CYP4F22: variants seen among roughly 807,000 people sequenced by gnomAD.
CYP4F22 encodes cytochrome P450 family 4 subfamily F member 22, also known as ultra-long-chain fatty acid omega-hydroxylase.
CYP4F22 carries 37 observed loss-of-function variants against 60.4 expected under a neutral mutation model. The observed-to-expected ratio is 0.61, with a 90% confidence interval of 0.47 to 0.81. The LOEUF (loss-of-function observed/expected upper bound fraction) is 0.81. CYP4F22 is among the 30% of genes least tolerant of loss of function. The pLI, the probability that CYP4F22 is intolerant of heterozygous loss-of-function variation, is 0.00. For missense variants in CYP4F22, 655 were observed against 715.0 expected (o/e 0.92, Z 0.96); for synonymous variants, 258 against 280.5 (o/e 0.92, Z 0.80).
At chr19:15,530,725 C>T (rs753223469) in intron 4 of CYP4F22, among the ~76,000 whole-genome samples, 7 of 152,070 alleles carry the variant, frequency 4.6e-5, no homozygotes, top group African/African-American at 9.7e-5. Flanking sequence ...GGGGGAAATT[C>T]GTTAAATCTC....
At chr19:15,511,261 C>T (rs1324756701) in intron 1 of CYP4F22, among the ~76,000 whole-genome samples, 4 of 151,312 alleles carry the variant, frequency 2.6e-5, no homozygotes, top group Admixed American at 6.6e-5. Context: ...CATGAGCCAC[C>T]GCGCCCAGCA....
chr19:15,552,260 G>A lies in CYP4F22; in HGVS notation c.*789G>A, dbSNP rs889518375. On this transcript the variant is annotated 3_prime_UTR_variant, in exon 14 of 14. Coordinates refer to ENST00000269703, the MANE Select transcript of CYP4F22 (RefSeq NM_173483.4). ...GGGCTCTGCAACTGAGCGAAGCTGC[G>A]GGCTAGGAGGCTGGAAAGCCATTTA... is the stretch of plus-strand genomic sequence containing the variant. The A allele has an allele frequency of 6.6e-6, 1 of 152,278 alleles. No homozygotes were observed. Among genetic ancestry groups the A allele is most frequent in the East Asian group, 1.9e-4 (1 of 5,176 alleles). 9.4% of individuals were successfully genotyped at this position (152,278 alleles called of 1,614,324 possible).
chr19:15,510,783 C>T (rs1346457575), intron 1 of CYP4F22, among the ~76,000 whole-genome samples: 1 of 151,374 alleles, frequency 6.6e-6, no homozygotes, highest in Non-Finnish European at 1.5e-5. Context: ...GAAGCTCTTT[C>T]TCAGAACCTT....
intron 8 of CYP4F22, among the ~76,000 whole-genome samples, chr19:15,541,069 G>A (rs1599810456): frequency 2.0e-5 from 3 of 152,212 alleles, no homozygotes; most frequent in South Asian, 2.1e-4. Flanking sequence ...CAACAGAAGC[G>A]AGACTCTGTC....
intron 4 of CYP4F22, among the ~76,000 whole-genome samples, chr19:15,532,125 T>A (rs899147276): frequency 8.0e-5 from 12 of 150,516 alleles, no homozygotes; most frequent in African/African-American, 1.5e-4. Flanking sequence ...AAAAAAAAAA[T>A]AATATGGATA....
rs774718362 is a variant in CYP4F22 at position 15,549,129 on chromosome 19, T to TC, written c.1271-5dup. 1.2e-5 allele frequency: 19 copies of TC among 1,613,824 alleles called. No individual in the cohort carries two copies. The highest frequency in any genetic ancestry group is 1.5e-5 in the Non-Finnish European group (18 of 1,179,968). On this transcript the variant is annotated splice_polypyrimidine_tract_variant and intron_variant, in intron 11 of 13. Coordinates refer to ENST00000269703, the MANE Select transcript of CYP4F22 (RefSeq NM_173483.4). The stretch of plus-strand genomic sequence containing the variant: ...CCCTTGGCCCCACTGATCCCATCTT[T>TC]CCCCACAGGAATCATCTGCTTGGTC...
At chr19:15,545,484 C>CA (rs1162636439) in intron 10 of CYP4F22, among the ~76,000 whole-genome samples, 4 of 150,862 alleles carry the variant, frequency 2.7e-5, no homozygotes, top group Admixed American at 6.6e-5. Flanking sequence ...CCTGTCTCTA[C>CA]AAAAAAATAC....
chr19:15,536,240 G>A (rs1971392965), intron 4 of CYP4F22, among the ~76,000 whole-genome samples: 1 of 152,182 alleles, frequency 6.6e-6, no homozygotes, highest in South Asian at 2.1e-4. Context: ...TCGGGAGGCT[G>A]AGGTGGGAGG....
chr19:15,520,807 C>T (rs1208502966), intron 1 of CYP4F22, among the ~76,000 whole-genome samples: 5 of 135,252 alleles, frequency 3.7e-5, no homozygotes, highest in African/African-American at 8.2e-5. Context: ...CTCGCTCTGT[C>T]GCCAGGCTGG....
At chr19:15,549,461 G>A (rs1473965224) in intron 12 of CYP4F22, among the ~76,000 whole-genome samples, 1 of 152,172 alleles carries the variant, frequency 6.6e-6, no homozygotes, top group African/African-American at 2.4e-5. Flanking sequence ...TCACAGTGAA[G>A]TTTTGGGGAA....
chr19:15,543,954 T>G lies in CYP4F22; in HGVS notation c.940-17T>G. On this transcript the variant is annotated splice_polypyrimidine_tract_variant and intron_variant, in intron 8 of 13. Coordinates refer to ENST00000269703, the MANE Select transcript of CYP4F22 (RefSeq NM_173483.4). ...GTGGGATGAAGTGGGCTGAGCACCC[T>G]CTACTGCCCATTCCAGGATGAAGAT... 1 of 1,612,804 alleles carries G rather than the reference T, an allele frequency of 6.2e-7. No individual in the cohort carries two copies.
chr19:15,526,552 C>G (rs897847973), intron 3 of CYP4F22, among the ~76,000 whole-genome samples: 4 of 151,816 alleles, frequency 2.6e-5, no homozygotes, highest in African/African-American at 9.7e-5. Context: ...GGTCCCATGA[C>G]TAGCCCCATT....
At chr19:15,531,237 G>GTT (rs1971339563) in intron 4 of CYP4F22, among the ~76,000 whole-genome samples, 1 of 152,032 alleles carries the variant, frequency 6.6e-6, no homozygotes, top group African/African-American at 2.4e-5. Flanking sequence ...AATATTAGCT[G>GTT]GGTGTTGTGG....
chr19:15,536,291 A>T (rs367677438), intron 4 of CYP4F22, among the ~76,000 whole-genome samples: 3 of 152,176 alleles, frequency 2.0e-5, no homozygotes, highest in Admixed American at 6.6e-5. Flanking sequence ...GTGAGCTATG[A>T]TCTCACCACA....
chr19:15,516,780 G>T, intron 1 of CYP4F22: 1 of 585,264 alleles, frequency 1.7e-6, no homozygotes. Flanking sequence ...TAGTCCACTT[G>T]CTCAGAGGAT....
At chr19:15,538,114 G>T in intron 7 of CYP4F22, 121 bp downstream of exon 7, 1 of 1,380,020 alleles carries the variant, frequency 7.2e-7, no homozygotes, top group Admixed American at 1.9e-5. Flanking sequence ...CCACGGATGG[G>T]CCATGTGCTT....
Position 15,537,902 on chromosome 19 carries a change from G to A in CYP4F22, c.580G>A (p.Ala194Thr). 6.2e-7 allele frequency: 1 copy of A among 1,614,128 alleles called. No homozygotes were observed. Among genetic ancestry groups the A allele is most frequent in the Admixed American group, 1.7e-5 (1 of 60,022 alleles). ...ATGGCGGCATCTGGCAGAGGGCTCA[G>A]CGGTCTCCCTTGATATGTTTGAGCA... The part of the protein sequence containing the change: ...AKWRHLAEGS[A>T]VSLDMFEHIS... The change falls in exon 7 of 14, where the codon GCG becomes ACG. Residue 194 changes from alanine to threonine, a missense_variant. Physicochemically the swap from Ala to Thr is moderately conservative, Grantham distance 58. This residue lies in a region of CYP4F22 where 430 missense variants were observed against 457.1 expected (regional missense o/e 0.94). Transcript: ENST00000269703.
Position 15,540,568 on chromosome 19 carries a change from T to C in CYP4F22, c.790T>C (p.Phe264Leu). The C allele has an allele frequency of 6.2e-7, 1 of 1,614,188 alleles. No homozygotes were observed. Among genetic ancestry groups the C allele is most frequent in the Non-Finnish European group, 8.5e-7 (1 of 1,180,028 alleles). The change falls in exon 8 of 14, where the codon TTC (phenylalanine) becomes CTC (leucine). Residue 264 changes from phenylalanine to leucine, a missense_variant. Around this residue, in one of 3 missense-constraint regions of CYP4F22, gnomAD observed 430 missense variants for 457.1 expected, o/e 0.94. Coordinates refer to ENST00000269703, the MANE Select transcript of CYP4F22 (RefSeq NM_173483.4). ...CTACCGCTCGGCGGATGGGCGGAGG[T>C]TCCGGCAGGCCTGTGACATGGTGCA... is the stretch of plus-strand genomic sequence containing the variant. ...IYYRSADGRRFRQACDMVHHF... is the reference protein window; with the variant it reads ...IYYRSADGRRLRQACDMVHHF...
intron 3 of CYP4F22, among the ~76,000 whole-genome samples, chr19:15,526,488 A>G (rs1971284513): frequency 6.6e-6 from 1 of 152,128 alleles, no homozygotes; most frequent in Admixed American, 6.6e-5. Context: ...TGTGCCAAGT[A>G]TTTTTCCAGG....
Sources: gnomAD v4.1 joint callset for allele counts (sites outside exome capture counted in the v4.1 genomes callset) on GRCh38, gnomAD v4.1.1 for gene constraint, gnomAD v4.1.1 regional missense constraint, MANE v1.5 for transcripts, NCBI Gene and HGNC (gene_info 2026-07-23, HGNC 2026-07-21) for gene names.